XPO4: variants seen among roughly 807,000 people sequenced by gnomAD.
XPO4 encodes the protein exportin 4.
In XPO4, 39 loss-of-function variants were observed where a neutral mutation model predicts 143.0. The observed-to-expected ratio is 0.27, with a 90% CI of 0.21 to 0.36. The LOEUF (loss-of-function observed/expected upper bound fraction) is 0.36. Ranked by LOEUF, XPO4 falls within the 10% of genes least tolerant of loss-of-function variation. The probability of loss-of-function intolerance (pLI) is 1.00; values close to 1 mark genes in which losing one functional copy is unlikely to be tolerated. For synonymous variants in XPO4, 439 were observed against 474.0 expected (o/e 0.93, Z 0.96); for missense variants, 907 against 1,348.0 (o/e 0.67, Z 5.12).
intron 6 of XPO4, among the ~76,000 whole-genome samples, chr13:20,827,571 C>T (rs2059799836): frequency 6.6e-6 from 1 of 152,130 alleles, no homozygotes; most frequent in African/African-American, 2.4e-5. Flanking sequence ...CAACAATTAA[C>T]ACCACATATA....
rs9509371 is a variant in XPO4, at chr13:20,779,914, G to A, written c.*3808C>T. The A allele has an allele frequency of 5.6e-3, 847 of 152,540 alleles. 5 individuals are homozygous for A. The highest frequency in any genetic ancestry group is 9.0e-3 in the Non-Finnish European group (613 of 68,008). 9.4% of individuals were successfully genotyped at this position (152,540 alleles called of 1,614,324 possible). On this transcript the variant is annotated 3_prime_UTR_variant, in exon 23 of 23. Transcript: ENST00000255305. ...TGAGCTCAGCAATATGCCTAATTTG[G>A]ACATTTTAATTTTAGAAAACCAATT... is the stretch of plus-strand genomic sequence containing the variant.
intron 6 of XPO4, 99 bp downstream of exon 6, chr13:20,842,796 T>C (rs2059988981): frequency 9.2e-7 from 1 of 1,088,292 alleles, no homozygotes; most frequent in African/African-American, 1.6e-5. Flanking sequence ...TTTCTTTCAA[T>C]ATGTTTTATG....
chr13:20,857,714 G>A (rs1022922700), intron 3 of XPO4: 33 of 504,754 alleles, frequency 6.5e-5, no homozygotes, highest in South Asian at 8.5e-5. Flanking sequence ...GCAACAGAGC[G>A]AGACTCCATC....
intron 6 of XPO4, among the ~76,000 whole-genome samples, chr13:20,838,554 G>A (rs1233054034): frequency 1.4e-5 from 2 of 147,546 alleles, no homozygotes; most frequent in Non-Finnish European, 3.0e-5. Flanking sequence ...AGATTGTAGT[G>A]AGCCGAGATC....
At chr13:20,809,728 A>G in intron 10 of XPO4, 63 bp downstream of exon 10, 1 of 1,498,962 alleles carries the variant, frequency 6.7e-7, no homozygotes, top group East Asian at 2.3e-5. Context: ...TATAATGTGT[A>G]ACATGGTAAA....
chr13:20,823,048 T>C (rs772238040), intron 7 of XPO4, among the ~76,000 whole-genome samples: 1 of 152,146 alleles, frequency 6.6e-6, no homozygotes, highest in Non-Finnish European at 1.5e-5. Context: ...ATGTTAAAGG[T>C]TTCATTTCTG....
At chr13:20,814,165 A>G (rs1353665258) in intron 9 of XPO4, among the ~76,000 whole-genome samples, 1 of 150,458 alleles carries the variant, frequency 6.6e-6, no homozygotes, top group Non-Finnish European at 1.5e-5. Flanking sequence ...GAATTTAGGA[A>G]TAGCATCCTC....
At chr13:20,834,977 A>T (rs931529588) in intron 6 of XPO4, among the ~76,000 whole-genome samples, 4 of 152,168 alleles carry the variant, frequency 2.6e-5, no homozygotes, top group African/African-American at 9.7e-5. Context: ...AATAATTTTT[A>T]AAAATCAGAA....
At chr13:20,797,890 C>G (rs1453934417) in intron 16 of XPO4, among the ~76,000 whole-genome samples, 1 of 152,200 alleles carries the variant, frequency 6.6e-6, no homozygotes, top group Non-Finnish European at 1.5e-5. Flanking sequence ...TGGCTCACAC[C>G]TGTAATCCCA....
intron 6 of XPO4, among the ~76,000 whole-genome samples, chr13:20,837,849 T>G (rs1188809181): frequency 6.6e-6 from 1 of 152,136 alleles, no homozygotes; most frequent in Non-Finnish European, 1.5e-5. Flanking sequence ...GAGAACAGTA[T>G]GGAGGAAACT....
chr13:20,879,076 A>G, intron 1 of XPO4: 1 of 980,368 alleles, frequency 1.0e-6, no homozygotes, highest in Non-Finnish European at 1.2e-6. Flanking sequence ...GGATCCAAAG[A>G]TGAATGCAAG....
chr13:20,866,176 TGAA>T (rs2060243327), intron 2 of XPO4: 11 of 985,344 alleles, frequency 1.1e-5, no homozygotes, highest in Non-Finnish European at 1.3e-5. Context: ...ACTTCTGAAG[TGAA>T]GAAGTCTAAA....
intron 9 of XPO4, among the ~76,000 whole-genome samples, chr13:20,814,667 A>T (rs2059626598): frequency 6.6e-6 from 1 of 152,222 alleles, no homozygotes; most frequent in South Asian, 2.1e-4. Flanking sequence ...GTGCACAGAG[A>T]TGACTAAGGA....
chr13:20,815,517 G>A (rs918041896), intron 9 of XPO4, among the ~76,000 whole-genome samples: 11 of 152,052 alleles, frequency 7.2e-5, no homozygotes, highest in African/African-American at 2.7e-4. Flanking sequence ...TCTAATATCA[G>A]GTACTGTAAA....
At chr13:20,823,323 T>G (rs762216308) in intron 7 of XPO4, among the ~76,000 whole-genome samples, 3 of 152,238 alleles carry the variant, frequency 2.0e-5, no homozygotes, top group Non-Finnish European at 4.4e-5. Context: ...CTCACTGGTA[T>G]GCTGGGCCAC....
intron 4 of XPO4, chr13:20,851,456 C>G: frequency 2.0e-6 from 2 of 984,404 alleles, no homozygotes; most frequent in Non-Finnish European, 2.4e-6. Flanking sequence ...TGGCTCACAC[C>G]TATAATCTTT....
intron 1 of XPO4, among the ~76,000 whole-genome samples, chr13:20,876,867 A>G (rs984363243): frequency 6.6e-6 from 1 of 152,196 alleles, no homozygotes; most frequent in Non-Finnish European, 1.5e-5. Context: ...AAGAAAGAAC[A>G]AAACTTCCAC....
intron 7 of XPO4, among the ~76,000 whole-genome samples, chr13:20,826,332 TA>T (rs775202859): frequency 1.3e-5 from 2 of 152,198 alleles, no homozygotes; most frequent in Non-Finnish European, 2.9e-5. Context: ...CTCATAAATA[TA>T]ATAAGTATAA....
At chr13:20,850,201 T>C in intron 4 of XPO4, 1 of 985,274 alleles carries the variant, frequency 1.0e-6, no homozygotes. Context: ...GAAAAACACA[T>C]GATTTATTAT....
Sources: allele counts gnomAD v4.1 joint callset (sites outside exome capture counted in the v4.1 genomes callset), GRCh38; gene constraint gnomAD v4.1.1; transcripts MANE v1.5; gene names NCBI Gene and HGNC (gene_info 2026-07-23, HGNC 2026-07-21).